The following PCDHA12 variants were observed in gnomAD, a reference collection of about 807,000 sequenced individuals.
PCDHA12 encodes the protein protocadherin alpha 12.
In PCDHA12, 44 loss-of-function variants were observed where a neutral mutation model predicts 60.0. The observed-to-expected ratio is 0.73, with a 90% CI of 0.58 to 0.94. The LOEUF is 0.94. PCDHA12 is among the 40% of genes least tolerant of loss of function. PCDHA12 has a pLI of 0.00. For synonymous variants in PCDHA12, 569 were observed against 553.0 expected, an observed-to-expected ratio of 1.03 and a Z score of -0.40; for missense variants, 1,276 against 1,239.7, an observed-to-expected ratio of 1.03 and a Z score of -0.44.
intron 1 of PCDHA12, among the ~76,000 whole-genome samples, chr5:140,962,725 T>C (rs536695569): frequency 3.2e-4 from 48 of 152,210 alleles, no homozygotes; most frequent in Non-Finnish European, 5.9e-4. Flanking sequence ...AGTATTTTCC[T>C]TCTGGGGATG....
intron 1 of PCDHA12, chr5:140,926,750 G>T: frequency 8.0e-7 from 1 of 1,256,516 alleles, no homozygotes; most frequent in East Asian, 2.9e-5. Context: ...AACGTCGGCG[G>T]TCGCTGAGTA....
Position 140,924,253 on chromosome 5 carries a change from A to T in PCDHA12, c.2367+46414A>T, listed in dbSNP as rs550218351. ...ATGGGCTGTTTTGCATCCTGGTGAGATCTAATGAGGTCTGTACTTGTGACT... is the reference window on the plus strand; with the variant it reads ...ATGGGCTGTTTTGCATCCTGGTGAGTTCTAATGAGGTCTGTACTTGTGACT... On this transcript the variant is annotated intron_variant, in intron 1 of 3. Coordinates refer to ENST00000398631, the MANE Select transcript of PCDHA12 (RefSeq NM_018903.4). Among the ~76,000 whole-genome samples, 68 of 152,330 alleles carry T rather than the reference A, an allele frequency of 4.5e-4. No homozygotes were observed. In the South Asian group the frequency reaches 0.013, roughly 29 times the overall value.
intron 1 of PCDHA12, among the ~76,000 whole-genome samples, chr5:140,910,502 G>C (rs182167004): frequency 2.6e-4 from 39 of 152,266 alleles, no homozygotes. Flanking sequence ...CAATCACAAA[G>C]CTCTTCAAGG....
Position 140,877,355 on chromosome 5 carries a change from C to T in PCDHA12, c.1883C>T (p.Thr628Ile). The change falls in exon 1 of 4, where the codon ACT (threonine) becomes ATT (isoleucine). Residue 628 changes from threonine to isoleucine, a missense_variant. By Grantham distance (89) the Thr-to-Ile change is moderately conservative. Coordinates refer to ENST00000398631, the MANE Select transcript of PCDHA12 (RefSeq NM_018903.4). Reference protein sequence around the residue: ...AHIPFHVGLYTGEISTTRILD... With the variant: ...AHIPFHVGLYIGEISTTRILD... ...ATCCCGTTCCACGTGGGGCTGTACA[C>T]TGGCGAGATCAGCACGACACGCATC... 1.2e-6 allele frequency: 2 copies of T among 1,614,012 alleles called. No homozygotes were observed. Among genetic ancestry groups the T allele is most frequent in the Non-Finnish European group, 8.5e-7 (1 of 1,179,888 alleles).
chr5:140,967,477 C>T (rs782240426), intron 1 of PCDHA12: 1 of 1,613,396 alleles, frequency 6.2e-7, no homozygotes, highest in Non-Finnish European at 8.5e-7. Flanking sequence ...TCCCAGCCCG[C>T]TCGGGTACGG....
chr5:140,877,329 C>T lies in PCDHA12; in HGVS notation c.1857C>T (p.His619=). 6.2e-7 allele frequency: 1 copy of T among 1,614,012 alleles called. No homozygotes were observed. The highest frequency in any genetic ancestry group is 1.1e-5 in the South Asian group (1 of 91,086). ...TGCAACCGGCGGCGGTCGGCGCGCA[C>T]ATCCCGTTCCACGTGGGGCTGTACA... is the stretch of plus-strand genomic sequence containing the variant. The part of the protein sequence containing the change: ...YELQPAAVGA[H]IPFHVGLYTG... Residue 619 remains histidine (H), a synonymous_variant, in exon 1 of 4, where the codon CAC becomes CAT. Coordinates refer to ENST00000398631, the MANE Select transcript of PCDHA12 (RefSeq NM_018903.4).
At chr5:140,982,191 T>G (rs1431582069) in intron 2 of PCDHA12, among the ~76,000 whole-genome samples, 1 of 152,266 alleles carries the variant, frequency 6.6e-6, no homozygotes, top group African/African-American at 2.4e-5. Context: ...ATGGGCTTCC[T>G]GTTAGATTTA....
chr5:140,927,805 C>T (rs2084654444), intron 1 of PCDHA12: 1 of 1,614,074 alleles, frequency 6.2e-7, no homozygotes, highest in South Asian at 1.1e-5. Context: ...GCCTGAAACG[C>T]TCTTGGAGGC....
chr5:140,898,228 C>T (rs1302111875), intron 1 of PCDHA12, among the ~76,000 whole-genome samples: 1 of 152,118 alleles, frequency 6.6e-6, no homozygotes, highest in Non-Finnish European at 1.5e-5. Flanking sequence ...CTTTTGTTGC[C>T]ATTGCTTTTG....
At chr5:140,891,174 T>C (rs147745090) in intron 1 of PCDHA12, among the ~76,000 whole-genome samples, 2,208 of 152,320 alleles carry the variant, frequency 0.014, 24 homozygotes, top group Non-Finnish European at 0.022. Flanking sequence ...TTTTCAGATT[T>C]TCTGTGTGTC....
chr5:140,886,917 T>C (rs893093876), intron 1 of PCDHA12, among the ~76,000 whole-genome samples: 12 of 152,044 alleles, frequency 7.9e-5, no homozygotes, highest in Non-Finnish European at 1.8e-4. Flanking sequence ...TTATTGAGTG[T>C]TCTCTATGTG....
intron 1 of PCDHA12, among the ~76,000 whole-genome samples, chr5:140,887,315 C>G (rs1239122037): frequency 1.3e-5 from 2 of 152,116 alleles, no homozygotes; most frequent in Non-Finnish European, 2.9e-5. Flanking sequence ...CCAGGATAGT[C>G]TCGAACTCCT....
At position 140,876,190 on chromosome 5, in the gene PCDHA12, C is replaced by T. The variant is rs782463342; in HGVS notation, c.718C>T (p.Pro240Ser). ...ITVLDVNDNG[P>S]AFDKPSYKVV... Reference sequence around the variant, plus strand: ...CGTCCTGGATGTGAATGACAATGGTCCGGCGTTTGATAAGCCCAGCTATAA... The same window carrying T: ...CGTCCTGGATGTGAATGACAATGGTTCGGCGTTTGATAAGCCCAGCTATAA... The change falls in exon 1 of 4, where the codon CCG becomes TCG. Residue 240 changes from proline (P) to serine (S), a missense_variant. Coordinates refer to ENST00000398631, the MANE Select transcript of PCDHA12 (RefSeq NM_018903.4). 3.7e-6 allele frequency: 6 copies of T among 1,613,936 alleles called. No individual in the cohort carries two copies. The Admixed American group carries it at 5.0e-5, about 13-fold the overall frequency.
chr5:140,883,580 AC>A, intron 1 of PCDHA12: 1 of 1,613,994 alleles, frequency 6.2e-7, no homozygotes. Flanking sequence ...GCTGTGGGCC[AC>A]GGCCAGCGTG....
chr5:140,890,515 T>C (rs996565867), intron 1 of PCDHA12, among the ~76,000 whole-genome samples: 2 of 152,198 alleles, frequency 1.3e-5, no homozygotes, highest in African/African-American at 4.8e-5. Context: ...CTCTATTTCC[T>C]TCCTTTGTTG....
chr5:140,909,550 A>C (rs549281873), intron 1 of PCDHA12, among the ~76,000 whole-genome samples: 2 of 152,232 alleles, frequency 1.3e-5, no homozygotes, highest in East Asian at 3.9e-4. Context: ...GGTGGCACTA[A>C]TCTCTGCAAC....
At chr5:140,928,594 GAA>G in intron 1 of PCDHA12, 2 of 1,614,204 alleles carry the variant, frequency 1.2e-6, no homozygotes, top group Non-Finnish European at 1.7e-6. Flanking sequence ...TGTCCCAGTG[GAA>G]ATTGTGCCCC....
At position 140,883,814 on chromosome 5, in the gene PCDHA12, A is replaced by C. The variant is rs782678422; in HGVS notation, c.2367+5975A>C. 6.2e-7 allele frequency: 1 copy of C among 1,612,478 alleles called. No homozygotes were observed. ...CGTGTCGGTGCACGCGGAGAGCGGC[A>C]AGGTGTACGCGCTGCAGCCGTTGGA... On this transcript the variant is annotated intron_variant, in intron 1 of 3. Coordinates refer to ENST00000398631, the MANE Select transcript of PCDHA12 (RefSeq NM_018903.4).
At chr5:140,982,202 G>A (rs2096970508) in intron 2 of PCDHA12, 2 of 405,606 alleles carry the variant, frequency 4.9e-6, no homozygotes, top group Non-Finnish European at 8.1e-6. Context: ...GTTAGATTTA[G>A]TGAGCGCCAC....
Sources: allele counts gnomAD v4.1 joint callset (sites outside exome capture counted in the v4.1 genomes callset), GRCh38; gene constraint gnomAD v4.1.1; transcripts MANE v1.5; gene names NCBI Gene and HGNC (gene_info 2026-07-23, HGNC 2026-07-21).